Variants in RBAK observed in about 807,000 individuals in gnomAD.
RBAK encodes the protein RB-associated KRAB zinc finger protein.
A neutral mutation model predicts 65.8 loss-of-function variants in RBAK; 39 were observed. The ratio of observed to expected loss-of-function variants is 0.59; its 90% confidence interval spans 0.46 to 0.77. The LOEUF (loss-of-function observed/expected upper bound fraction) is 0.77. Among genes scored for constraint, RBAK ranks in the 30% least tolerant of loss-of-function variants. RBAK has a pLI of 0.00. For synonymous variants in RBAK, 343 were observed against 289.7 expected (o/e 1.18, Z -1.87); for missense variants, 884 against 855.1 (o/e 1.03, Z -0.42).
At chr7:5,055,872 G>A (rs560899888) in intron 2 of RBAK, among the ~76,000 whole-genome samples, 3 of 152,030 alleles carry the variant, frequency 2.0e-5, no homozygotes, top group South Asian at 2.1e-4. Flanking sequence ...ACAGCCTAGC[G>A]GCCCTGCCTC....
At chr7:5,062,922 T>C (rs1232623194) in intron 4 of RBAK, among the ~76,000 whole-genome samples, 4 of 152,240 alleles carry the variant, frequency 2.6e-5, no homozygotes, top group Non-Finnish European at 5.9e-5. Flanking sequence ...TAAACATTGC[T>C]GTTTTCCTGT....
intron 2 of RBAK, among the ~76,000 whole-genome samples, chr7:5,055,069 ACCGTGC>A (rs1165849592): frequency 1.3e-5 from 2 of 152,168 alleles, no homozygotes; most frequent in African/African-American, 4.8e-5. Flanking sequence ...GGCGTGAGCC[ACCGTGC>A]CCGAGCACTT....
rs1310587624 is a variant in RBAK at position 5,069,361 on chromosome 7, G to A, written c.*3760G>A. The stretch of plus-strand genomic sequence containing the variant: ...AAGCTTAGCATAATGTATATTTTAA[G>A]TGAAATATTTGAGAAGGTTAAAGAA... On this transcript the variant is annotated 3_prime_UTR_variant, in exon 5 of 5. Transcript: ENST00000396912. The A allele has an allele frequency of 6.6e-6, 1 of 152,118 alleles. No individual in the cohort carries two copies. Among genetic ancestry groups the A allele is most frequent in the Non-Finnish European group, 1.5e-5 (1 of 68,024 alleles). 9.4% of individuals were successfully genotyped at this position (152,118 alleles called of 1,614,324 possible).
intron 2 of RBAK, among the ~76,000 whole-genome samples, chr7:5,052,886 G>C (rs1434969198): frequency 6.6e-6 from 1 of 151,692 alleles, no homozygotes; most frequent in African/African-American, 2.4e-5. Flanking sequence ...CAGCCTCCCG[G>C]GTAGCTGGGA....
At position 5,064,268 on chromosome 7, in the gene RBAK, G is replaced by A. The variant is rs746035649; in HGVS notation, c.812G>A (p.Cys271Tyr). Residue 271 changes from cysteine to tyrosine, a missense_variant, in exon 5 of 5, where the codon TGT becomes TAT. Coordinates refer to ENST00000396912, the MANE Select transcript of RBAK (RefSeq NM_021163.4). This position sits in a 1 kb window ranked among gnomAD's most constrained non-coding sequence, Gnocchi z 6.3. Reference sequence around the variant, plus strand: ...TGCAGTGAATGTGGAAAATCCTTCTGTAAAAAGTCAAAATTCATCATCCAC... The same window carrying A: ...TGCAGTGAATGTGGAAAATCCTTCTATAAAAAGTCAAAATTCATCATCCAC... ...FECSECGKSF[C>Y]KKSKFIIHQR... 6.2e-7 allele frequency: 1 copy of A among 1,614,140 alleles called. No individual in the cohort carries two copies. The highest frequency in any genetic ancestry group is 8.5e-7 in the Non-Finnish European group (1 of 1,180,008).
intron 2 of RBAK, among the ~76,000 whole-genome samples, chr7:5,056,170 C>A (rs1335096836): frequency 7.0e-6 from 1 of 142,276 alleles, no homozygotes; most frequent in Non-Finnish European, 1.5e-5. Flanking sequence ...TGCAGTGTTG[C>A]ATTCACAGCT....
At chr7:5,055,792 C>A (rs544773520) in intron 2 of RBAK, among the ~76,000 whole-genome samples, 112 of 152,084 alleles carry the variant, frequency 7.4e-4, no homozygotes, top group Admixed American at 1.3e-3. Context: ...TACTCTCTCT[C>A]GGTGATTTTA....
Position 5,057,351 on chromosome 7 carries a change from G to T in RBAK, c.72G>T (p.Gln24His). The T allele has an allele frequency of 1.2e-6, 2 of 1,614,056 alleles. No individual in the cohort carries two copies. Among genetic ancestry groups the T allele is most frequent in the Non-Finnish European group, 1.7e-6 (2 of 1,180,020 alleles). Residue 24 changes from glutamine to histidine, a missense_variant, in exon 3 of 5, where the codon CAG (glutamine) becomes CAT (histidine). Gln to His is a conservative substitution (Grantham distance 24, BLOSUM62 0). Coordinates refer to ENST00000396912, the MANE Select transcript of RBAK (RefSeq NM_021163.4). ...AVDFTQEEWQ[Q>H]LDPDEKITYR... is the part of the protein sequence containing the mutation. The stretch of plus-strand genomic sequence containing the variant: ...ATTTCACCCAGGAGGAGTGGCAGCA[G>T]CTGGACCCTGATGAGAAGATAACTT...
chr7:5,053,889 CTG>C (rs1362014408), intron 2 of RBAK, among the ~76,000 whole-genome samples: 1 of 152,160 alleles, frequency 6.6e-6, no homozygotes, highest in Non-Finnish European at 1.5e-5. Context: ...GTTGTAAACT[CTG>C]TCAATTCTGG....
At chr7:5,056,691 T>G (rs1778926159) in intron 2 of RBAK, among the ~76,000 whole-genome samples, 1 of 152,168 alleles carries the variant, frequency 6.6e-6, no homozygotes, top group Non-Finnish European at 1.5e-5. Context: ...TTGAGATGTT[T>G]GAGATAAAAC....
intron 2 of RBAK, among the ~76,000 whole-genome samples, chr7:5,050,500 T>C (rs573075230): frequency 2.7e-4 from 41 of 152,354 alleles, no homozygotes; most frequent in African/African-American, 9.1e-4. Context: ...ATTATTGCTG[T>C]GATTTACTAG....
rs759968367 is a variant in RBAK, at chr7:5,065,036, A to C, written c.1580A>C (p.Asp527Ala). 2 of 1,613,614 alleles carry C rather than the reference A, an allele frequency of 1.2e-6. No individual in the cohort carries two copies. Among genetic ancestry groups the C allele is most frequent in the African/African-American group, 1.3e-5 (1 of 74,818 alleles). ...GKTFLVNSAFDGHQPLPKGEK... is the reference protein window; with the variant it reads ...GKTFLVNSAFAGHQPLPKGEK... ...ACCTTCCTTGTAAATTCAGCCTTCG[A>C]TGGGCACCAGCCACTTCCAAAAGGG... The change falls in exon 5 of 5, where the codon GAT (aspartate) becomes GCT (alanine). Residue 527 changes from aspartate (D) to alanine (A), a missense_variant. By Grantham distance (126) the Asp-to-Ala change is moderately radical. Coordinates refer to ENST00000396912, the MANE Select transcript of RBAK (RefSeq NM_021163.4). The surrounding 1 kb of genome is among the most constrained non-coding windows in gnomAD (Gnocchi z 5.3).
Position 5,064,498 on chromosome 7 carries a change from A to G in RBAK, c.1042A>G (p.Ser348Gly). 6.2e-7 allele frequency: 1 copy of G among 1,614,102 alleles called. No individual in the cohort carries two copies. The highest frequency in any genetic ancestry group is 1.3e-5 in the African/African-American group (1 of 75,054). ...TTCAGGAGAGAAACCCTACGAATGT[A>G]GCGAATGTGGGAAAACCTTCTGCCA... Reference protein sequence around the residue: ...THSGEKPYECSECGKTFCQKT... With the variant: ...THSGEKPYECGECGKTFCQKT... Residue 348 changes from serine (S) to glycine (G), a missense_variant, in exon 5 of 5, where the codon AGC (serine) becomes GGC (glycine). Coordinates refer to ENST00000396912, the MANE Select transcript of RBAK (RefSeq NM_021163.4). The surrounding 1 kb of genome is among the most constrained non-coding windows in gnomAD (Gnocchi z 6.3).
At position 5,064,515 on chromosome 7, in the gene RBAK, CT is replaced by C; in HGVS notation, c.1061del (p.Phe354SerfsTer63). The C allele has an allele frequency of 6.2e-7, 1 of 1,613,982 alleles. No individual in the cohort carries two copies. The highest frequency in any genetic ancestry group is 8.5e-7 in the Non-Finnish European group (1 of 1,179,940). On this transcript the variant is annotated frameshift_variant, in exon 5 of 5. Coordinates refer to ENST00000396912, the MANE Select transcript of RBAK (RefSeq NM_021163.4). LOFTEE classifies it high-confidence loss of function. This position sits in a 1 kb window ranked among gnomAD's most constrained non-coding sequence, Gnocchi z 6.3. ...PYECSECGKTFCQKTHLTLHQ... is the reference protein window; with the variant it reads ...PYECSECGKTXCQKTHLTLHQ... ...ACGAATGTAGCGAATGTGGGAAAACCTTCTGCCAAAAGACACATCTCACCCT... is the reference window on the plus strand; with the variant it reads ...ACGAATGTAGCGAATGTGGGAAAACCTCTGCCAAAAGACACATCTCACCCT...
chr7:5,055,512 A>G (rs1385061834), intron 2 of RBAK, among the ~76,000 whole-genome samples: 4 of 151,766 alleles, frequency 2.6e-5, no homozygotes, highest in African/African-American at 7.3e-5. Flanking sequence ...CGGATACAAG[A>G]TTTTTCTTCT....
rs528866722 is a variant in RBAK at position 5,065,651 on chromosome 7, A to C, written c.*50A>C. On this transcript the variant is annotated 3_prime_UTR_variant, in exon 5 of 5. Coordinates refer to ENST00000396912, the MANE Select transcript of RBAK (RefSeq NM_021163.4). This position sits in a 1 kb window ranked among gnomAD's most constrained non-coding sequence, Gnocchi z 5.3. ...CTCTCTGAATATAATGAATATGGGG[A>C]ATCCAATAGGAAGTCAAAGCGTTTA... 2 of 1,318,682 alleles carry C rather than the reference A, an allele frequency of 1.5e-6. No homozygotes were observed. The highest frequency in any genetic ancestry group is 1.7e-5 in the South Asian group (1 of 58,278). 81.7% of individuals were successfully genotyped at this position (1,318,682 alleles called of 1,614,324 possible).
chr7:5,057,072 AT>A (rs1255840527), intron 2 of RBAK: 9 of 208,340 alleles, frequency 4.3e-5, no homozygotes, highest in East Asian at 1.7e-4. Flanking sequence ...ATATATATAT[AT>A]TTTTTATATA....
chr7:5,066,100 A>G lies in RBAK; in HGVS notation c.*499A>G, dbSNP rs1426739837. 3 of 152,566 alleles carry G rather than the reference A, an allele frequency of 2.0e-5. No individual in the cohort carries two copies. The highest frequency in any genetic ancestry group is 4.4e-5 in the Non-Finnish European group (3 of 68,022). 9.5% of individuals were successfully genotyped at this position (152,566 alleles called of 1,614,324 possible). On this transcript the variant is annotated 3_prime_UTR_variant, in exon 5 of 5. Coordinates refer to ENST00000396912, the MANE Select transcript of RBAK (RefSeq NM_021163.4). ...GAGGACAGTAGCATTAAATAAGTAT[A>G]TGGCCGTTTTTTATCATGTCTTAAA...
intron 2 of RBAK, among the ~76,000 whole-genome samples, chr7:5,054,143 A>G (rs1371629920): frequency 1.3e-5 from 2 of 152,192 alleles, no homozygotes; most frequent in African/African-American, 2.4e-5. Flanking sequence ...GTGGTGGCTC[A>G]TACCTGTAAT....
Sources: gnomAD v4.1 joint callset for allele counts (sites outside exome capture counted in the v4.1 genomes callset) on GRCh38, gnomAD v4.1.1 for gene constraint, Gnocchi (gnomAD v3.1) non-coding constraint, MANE v1.5 for transcripts, NCBI Gene and HGNC (gene_info 2026-07-23, HGNC 2026-07-21) for gene names.